The following COA1 variants were observed in gnomAD, a reference collection of about 807,000 sequenced individuals.
The protein encoded by COA1 is cytochrome c oxidase assembly factor 1.
COA1 carries 13 observed loss-of-function variants against 16.0 expected under a neutral mutation model. The ratio of observed to expected loss-of-function variants is 0.81; its 90% CI spans 0.53 to 1.29. The LOEUF (loss-of-function observed/expected upper bound fraction) is 1.29. Among genes scored for constraint, COA1 ranks in the 50% most tolerant of loss-of-function variants. COA1 has a pLI of 0.00. For missense variants in COA1, 179 were observed against 177.0 expected (o/e 1.01, Z -0.06); for synonymous variants, 65 against 65.7 (o/e 0.99, Z 0.05).
At chr7:43,624,373 C>A in intron 6 of COA1, 2 of 781,188 alleles carry the variant, frequency 2.6e-6, no homozygotes, top group Non-Finnish European at 3.8e-6. Flanking sequence ...AATTCCAAGA[C>A]TAATAGTTTT....
chr7:43,704,375 G>T (rs1333818744), intron 1 of COA1, among the ~76,000 whole-genome samples: 2 of 152,032 alleles, frequency 1.3e-5, no homozygotes, highest in African/African-American at 2.4e-5. Flanking sequence ...TAGCAAGGTT[G>T]GGGAAATTTT....
intron 4 of COA1, among the ~76,000 whole-genome samples, chr7:43,642,717 C>G (rs1289398235): frequency 2.0e-5 from 3 of 152,196 alleles, no homozygotes; most frequent in African/African-American, 7.2e-5. Flanking sequence ...TTGGTTCCTT[C>G]ACCAGCCAGA....
chr7:43,712,190 G>A (rs2131799742), intron 1 of COA1, among the ~76,000 whole-genome samples: 1 of 152,016 alleles, frequency 6.6e-6, no homozygotes, highest in South Asian at 2.1e-4. Flanking sequence ...TCGGCTCACT[G>A]CAACCTCCAC....
At chr7:43,686,646 G>C (rs1023839150) in intron 1 of COA1, among the ~76,000 whole-genome samples, 2 of 152,210 alleles carry the variant, frequency 1.3e-5, no homozygotes, top group African/African-American at 4.8e-5. Context: ...GGAGCGGAAT[G>C]TGACAGTCAC....
chr7:43,629,440 C>G (rs2084951447), intron 6 of COA1, among the ~76,000 whole-genome samples: 1 of 152,154 alleles, frequency 6.6e-6, no homozygotes, highest in Non-Finnish European at 1.5e-5. Context: ...TTTTTCTCAG[C>G]AGTGTTTTAC....
intron 1 of COA1, among the ~76,000 whole-genome samples, chr7:43,689,807 TA>T (rs2094194142): frequency 6.6e-6 from 1 of 152,144 alleles, no homozygotes; most frequent in Admixed American, 6.6e-5. Context: ...GTGTATTACT[TA>T]AATGTAATGG....
At chr7:43,644,743 T>A (rs548082896) in intron 4 of COA1, among the ~76,000 whole-genome samples, 1 of 123,332 alleles carries the variant, frequency 8.1e-6, no homozygotes, top group East Asian at 2.1e-4. Context: ...GATAGATAGA[T>A]AGATAGATAG....
At chr7:43,610,030 G>T (rs1347225911) in intron 6 of COA1, among the ~76,000 whole-genome samples, 2 of 152,216 alleles carry the variant, frequency 1.3e-5, no homozygotes, top group Admixed American at 6.5e-5. Context: ...TAAACTTCAG[G>T]CCAGGGGCCA....
At chr7:43,663,294 T>C (rs10234915) in intron 1 of COA1, among the ~76,000 whole-genome samples, 22,368 of 152,204 alleles carry the variant, frequency 0.15, 2,197 homozygotes, top group Non-Finnish European at 0.22. Flanking sequence ...GCCTGCAGAA[T>C]AATGAGCCAA....
intron 1 of COA1, among the ~76,000 whole-genome samples, chr7:43,682,546 CAT>C (rs770241804): frequency 4.5e-4 from 69 of 152,210 alleles, no homozygotes; most frequent in South Asian, 8.3e-4. Flanking sequence ...AAAATTGAGA[CAT>C]AATTATTGTA....
At chr7:43,659,088 A>G (rs2092151362) in intron 1 of COA1, 2 of 152,260 alleles carry the variant, frequency 1.3e-5, no homozygotes, top group African/African-American at 4.8e-5. Flanking sequence ...AGGGAGTCCA[A>G]TTAAAAGGCT....
At chr7:43,642,357 G>A (rs557809126) in intron 4 of COA1, among the ~76,000 whole-genome samples, 1 of 152,290 alleles carries the variant, frequency 6.6e-6, no homozygotes, top group African/African-American at 2.4e-5. Flanking sequence ...GAGTGAGGCA[G>A]GAGAATCGCT....
At chr7:43,638,593 G>GAGAC (rs2086331141), downstream of COA1, among the ~76,000 whole-genome samples, 1 of 71,440 alleles carries the variant, frequency 1.4e-5, no homozygotes, top group Admixed American at 1.8e-4. Context: ...TTTTTTTTCT[G>GAGAC]AGACAGAGTT....
Position 43,654,103 on chromosome 7 carries a change from G to A in COA1, c.-38-5451C>T, listed in dbSNP as rs114484327. 8.2e-3 allele frequency among the ~76,000 whole-genome samples: 1,246 copies of A among 152,304 alleles called. 23 individuals carry two copies. The highest frequency in any genetic ancestry group is 0.028 in the African/African-American group (1,151 of 41,562). ...GTCCATGGACAAATGAACCCTGGCA[G>A]AGATGGCCAGAAAGCCTGTGGAGAA... On this transcript the variant is annotated intron_variant, in intron 1 of 5. Transcript: ENST00000223336.
downstream of COA1, among the ~76,000 whole-genome samples, chr7:43,634,364 G>A (rs1016123926): frequency 6.6e-6 from 1 of 152,178 alleles, no homozygotes; most frequent in African/African-American, 2.4e-5. Context: ...GGCATGTGGT[G>A]GGGTTGATGG....
chr7:43,715,384 A>G (rs2095367057), intron 1 of COA1, among the ~76,000 whole-genome samples: 1 of 151,844 alleles, frequency 6.6e-6, no homozygotes, highest in South Asian at 2.1e-4. Flanking sequence ...AGGCTGAGGC[A>G]GGAGAATGGC....
At chr7:43,728,733 C>T (rs2095672466) in intron 1 of COA1, among the ~76,000 whole-genome samples, 1 of 152,198 alleles carries the variant, frequency 6.6e-6, no homozygotes, top group South Asian at 2.1e-4. Flanking sequence ...AGAGTTGCTA[C>T]TTCTATCCAA....
At chr7:43,706,015 C>G (rs1218005142) in intron 1 of COA1, among the ~76,000 whole-genome samples, 2 of 152,158 alleles carry the variant, frequency 1.3e-5, no homozygotes, top group Admixed American at 6.5e-5. Context: ...TCAGAGTGTG[C>G]TGGCCTACTT....
At chr7:43,703,889 T>C (rs1355722398) in intron 1 of COA1, among the ~76,000 whole-genome samples, 1 of 152,240 alleles carries the variant, frequency 6.6e-6, no homozygotes, top group African/African-American at 2.4e-5. Context: ...CTAGTTGTTA[T>C]GTAGATAATA....
Sources: gnomAD v4.1 joint callset for allele counts (sites outside exome capture counted in the v4.1 genomes callset) on GRCh38, gnomAD v4.1.1 for gene constraint, MANE v1.5 for transcripts, NCBI Gene and HGNC (gene_info 2026-07-23, HGNC 2026-07-21) for gene names.